The following CTNNA3 variants were observed in gnomAD, a reference collection of about 807,000 sequenced individuals.
CTNNA3 encodes the protein catenin alpha 3.
In CTNNA3, 76 loss-of-function variants were observed where a neutral mutation model predicts 95.7. The ratio of observed to expected loss-of-function variants is 0.79; its 90% CI spans 0.66 to 0.96. The LOEUF is 0.96. Among genes scored for constraint, CTNNA3 ranks in the 40% least tolerant of loss-of-function variants. The pLI, the probability that CTNNA3 is intolerant of heterozygous loss-of-function variation, is 0.00. For synonymous variants in CTNNA3, 431 were observed against 374.4 expected, an observed-to-expected ratio of 1.15 and a Z score of -1.74; for missense variants, 1,191 against 1,089.8, an observed-to-expected ratio of 1.09 and a Z score of -1.31.
At chr10:67,153,946 C>T (rs1186452400) in intron 7 of CTNNA3, among the ~76,000 whole-genome samples, 1 of 151,620 alleles carries the variant, frequency 6.6e-6, no homozygotes, top group Non-Finnish European at 1.5e-5. Context: ...ATTATATTTG[C>T]CAACCATTTT....
intron 1 of CTNNA3, among the ~76,000 whole-genome samples, chr10:67,725,917 C>T (rs1391796447): frequency 9.0e-6 from 1 of 111,722 alleles, no homozygotes; most frequent in Non-Finnish European, 1.7e-5. Context: ...ATATATTGTA[C>T]ATAATATATA....
At chr10:67,700,570 A>C (rs889650844), upstream of CTNNA3, among the ~76,000 whole-genome samples, 13 of 152,232 alleles carry the variant, frequency 8.5e-5, no homozygotes, top group East Asian at 1.9e-4. Context: ...AGGGTCCTGA[A>C]TGTTAGAAGG....
At chr10:66,144,677 G>A (rs1169857342) in intron 13 of CTNNA3, among the ~76,000 whole-genome samples, 2 of 152,004 alleles carry the variant, frequency 1.3e-5, no homozygotes, top group African/African-American at 2.4e-5. Flanking sequence ...TAGTAGAGAC[G>A]GGGTTTCTCC....
At chr10:66,727,635 A>G (rs1564642929) in intron 9 of CTNNA3, among the ~76,000 whole-genome samples, 1 of 152,124 alleles carries the variant, frequency 6.6e-6, no homozygotes, top group Non-Finnish European at 1.5e-5. Context: ...TAAATCTAAT[A>G]GAGAAGTAGC....
chr10:65,918,846 T>C lies in CTNNA3; in HGVS notation c.*1484A>G, dbSNP rs373396003. ...ACACATATCGTACTGTCAATCTTTATGCTTTTCTATGTTTCATGCATCCTT... is the reference window on the plus strand; with the variant it reads ...ACACATATCGTACTGTCAATCTTTACGCTTTTCTATGTTTCATGCATCCTT... On this transcript the variant is annotated 3_prime_UTR_variant, in exon 18 of 18. Transcript: ENST00000433211. 3.3e-5 allele frequency: 5 copies of C among 152,328 alleles called. No homozygotes were observed. Among genetic ancestry groups the C allele is most frequent in the East Asian group, 3.9e-4 (2 of 5,192 alleles). The allele number at this position is 152,328 out of a possible 1,614,324, so 9.4% of individuals were successfully genotyped here. A position where few individuals can be genotyped will look rare whatever the true frequency, so the allele number is the denominator to read the frequency against.
chr10:67,175,559 C>T (rs1368062889), intron 7 of CTNNA3, among the ~76,000 whole-genome samples: 3 of 152,048 alleles, frequency 2.0e-5, no homozygotes, highest in African/African-American at 7.2e-5. Flanking sequence ...CATAAAACAC[C>T]AAGAGAAGAA....
chr10:67,581,436 T>G (rs1842392454), intron 3 of CTNNA3, among the ~76,000 whole-genome samples: 2 of 152,230 alleles, frequency 1.3e-5, no homozygotes, highest in South Asian at 4.1e-4. Flanking sequence ...ATAAGCTTTT[T>G]GATGTGCTGC....
intron 9 of CTNNA3, among the ~76,000 whole-genome samples, chr10:66,638,000 T>A (rs1354497449): frequency 6.6e-6 from 1 of 152,148 alleles, no homozygotes; most frequent in Non-Finnish European, 1.5e-5. Context: ...AGGCACAATG[T>A]TTCTCTTCCC....
At chr10:66,543,623 A>T (rs1487121951) in intron 10 of CTNNA3, among the ~76,000 whole-genome samples, 1 of 151,822 alleles carries the variant, frequency 6.6e-6, no homozygotes, top group East Asian at 1.9e-4. Context: ...TCTACTTTAA[A>T]ATTTTTGTAT....
chr10:66,802,513 C>A (rs2132237217), intron 7 of CTNNA3, among the ~76,000 whole-genome samples: 1 of 151,834 alleles, frequency 6.6e-6, no homozygotes, highest in Non-Finnish European at 1.5e-5. Flanking sequence ...GGATGTGGAA[C>A]AATTTGGAAC....
chr10:67,566,041 GTGTA>G (rs1412582111), intron 3 of CTNNA3, among the ~76,000 whole-genome samples: 317 of 29,432 alleles, frequency 0.011, 20 homozygotes, highest in African/African-American at 0.032. Context: ...ATATGTGTGT[GTGTA>G]TATATATATA....
chr10:66,725,965 C>T (rs139358128), intron 9 of CTNNA3, among the ~76,000 whole-genome samples: 2 of 152,136 alleles, frequency 1.3e-5, no homozygotes, highest in African/African-American at 4.8e-5. Flanking sequence ...ATAACATATA[C>T]TTATCAATAT....
intron 13 of CTNNA3, among the ~76,000 whole-genome samples, chr10:66,191,616 GA>G (rs35947838): frequency 0.78 from 112,894 of 145,564 alleles, 43,401 homozygotes; most frequent in South Asian, 0.91. Flanking sequence ...TGTATGACTT[GA>G]AAAAAAAAAA....
intron 1 of CTNNA3, among the ~76,000 whole-genome samples, chr10:67,661,970 T>C (rs927671620): frequency 6.6e-6 from 1 of 152,166 alleles, no homozygotes; most frequent in Non-Finnish European, 1.5e-5. Flanking sequence ...AGAGAAAAGC[T>C]TGGAAGTGTC....
At chr10:66,275,855 GA>G (rs1273704350) in intron 13 of CTNNA3, among the ~76,000 whole-genome samples, 3 of 151,908 alleles carry the variant, frequency 2.0e-5, no homozygotes, top group Non-Finnish European at 4.4e-5. Context: ...GAAAATGACA[GA>G]AATTTATAGA....
Position 66,503,669 on chromosome 10 carries a change from A to G in CTNNA3, c.1531+16948T>C, listed in dbSNP as rs370140113. On this transcript the variant is annotated intron_variant, in intron 11 of 17. Transcript: ENST00000433211. ...TTTTTAGTAGAGACGGGGTTTCACC[A>G]TGTTGACCAGGCTGGTCTTGAACTC... Among the ~76,000 whole-genome samples, 59 of 152,130 alleles carry G rather than the reference A, an allele frequency of 3.9e-4. 1 individual carries two copies. The South Asian group carries it at 0.012, about 31-fold the overall frequency.
intron 5 of CTNNA3, among the ~76,000 whole-genome samples, chr10:67,242,231 T>C (rs1865742156): frequency 6.6e-6 from 1 of 152,186 alleles, no homozygotes; most frequent in Non-Finnish European, 1.5e-5. Context: ...TAAAGTGTGG[T>C]CCATAAGGTC....
At chr10:67,370,609 C>T (rs1410907916) in intron 5 of CTNNA3, among the ~76,000 whole-genome samples, 1 of 152,126 alleles carries the variant, frequency 6.6e-6, no homozygotes, top group East Asian at 1.9e-4. Context: ...GTTAATTTCC[C>T]TTCATGGTTC....
chr10:67,534,349 T>A (rs1840426473), intron 4 of CTNNA3, among the ~76,000 whole-genome samples: 1 of 151,540 alleles, frequency 6.6e-6, no homozygotes, highest in Admixed American at 6.6e-5. Context: ...CCTTAAGGAG[T>A]AATTTAAGGT....
Sources: allele counts gnomAD v4.1 joint callset (sites outside exome capture counted in the v4.1 genomes callset), GRCh38; gene constraint gnomAD v4.1.1; transcripts MANE v1.5; gene names NCBI Gene and HGNC (gene_info 2026-07-23, HGNC 2026-07-21).